The following MARCHF11 variants were observed in gnomAD, a reference collection of about 807,000 sequenced individuals.
MARCHF11 encodes membrane associated ring-CH-type finger 11.
MARCHF11 carries 29 observed loss-of-function variants against 37.3 expected under a neutral mutation model. The observed-to-expected ratio is 0.78, with a 90% CI of 0.58 to 1.06. The LOEUF (loss-of-function observed/expected upper bound fraction) is 1.06. MARCHF11 is among the 50% of genes least tolerant of loss of function. The pLI is 0.00. For synonymous variants in MARCHF11, 233 were observed against 228.0 expected, an observed-to-expected ratio of 1.02 and a Z score of -0.20; for missense variants, 482 against 533.4, an observed-to-expected ratio of 0.90 and a Z score of 0.95.
At chr5:16,146,992 C>T (rs1036827591) in intron 2 of MARCHF11, among the ~76,000 whole-genome samples, 3 of 152,142 alleles carry the variant, frequency 2.0e-5, no homozygotes, top group African/African-American at 7.2e-5. Context: ...ACATGCTCAA[C>T]TAACTGCATT....
At chr5:16,112,977 C>T (rs1330306375) in intron 2 of MARCHF11, among the ~76,000 whole-genome samples, 1 of 152,154 alleles carries the variant, frequency 6.6e-6, no homozygotes, top group East Asian at 1.9e-4. Flanking sequence ...CATTAAACCT[C>T]TTTTTCGTCG....
At chr5:16,085,958 A>AT (rs1736692165) in intron 3 of MARCHF11, among the ~76,000 whole-genome samples, 2 of 148,544 alleles carry the variant, frequency 1.3e-5, no homozygotes, top group Admixed American at 6.7e-5. Context: ...AAAAAAAAAA[A>AT]AAAAAAAAAA....
intron 2 of MARCHF11, among the ~76,000 whole-genome samples, chr5:16,172,195 A>G (rs1738281278): frequency 6.6e-6 from 1 of 152,210 alleles, no homozygotes; most frequent in Non-Finnish European, 1.5e-5. Flanking sequence ...GTAGTATACA[A>G]AGTAAAATTT....
At chr5:16,105,379 G>A (rs1737020288) in intron 2 of MARCHF11, among the ~76,000 whole-genome samples, 2 of 152,140 alleles carry the variant, frequency 1.3e-5, no homozygotes, top group Non-Finnish European at 2.9e-5. Context: ...ACAAACAAAT[G>A]CGTTTCTATG....
chr5:16,123,781 A>G (rs1181299321), intron 2 of MARCHF11, among the ~76,000 whole-genome samples: 1 of 152,190 alleles, frequency 6.6e-6, no homozygotes, highest in Admixed American at 6.5e-5. Flanking sequence ...TTGCAGAATG[A>G]AAGATGGATT....
At position 16,150,132 on chromosome 5, in the gene MARCHF11, T is replaced by C. The variant is rs754317555; in HGVS notation, c.693+27594A>G. ...CATGTATAAAAGATTTATCAAGTTA[T>C]ACAGTTTAGATTTATGCACTTTATT... On this transcript the variant is annotated intron_variant, in intron 2 of 3. Transcript: ENST00000332432. 2.0e-5 allele frequency among the ~76,000 whole-genome samples: 3 copies of C among 149,466 alleles called. 1 individual carries two copies. The highest frequency in any genetic ancestry group is 4.4e-5 in the Non-Finnish European group (3 of 67,990).
chr5:16,074,205 C>T (rs760137013), intron 3 of MARCHF11, among the ~76,000 whole-genome samples: 3 of 152,216 alleles, frequency 2.0e-5, no homozygotes, highest in African/African-American at 2.4e-5. Context: ...TTGAACTGAA[C>T]GATAATATTG....
intron 3 of MARCHF11, among the ~76,000 whole-genome samples, chr5:16,072,510 CTGTGTGTG>C (rs34699021): frequency 0.019 from 2,857 of 146,674 alleles, 76 homozygotes; most frequent in African/African-American, 0.067. Flanking sequence ...CTCTCTCACT[CTGTGTGTG>C]TGTGTGTGTG....
intron 2 of MARCHF11, among the ~76,000 whole-genome samples, chr5:16,148,074 T>C (rs889922546): frequency 2.0e-5 from 3 of 152,138 alleles, no homozygotes; most frequent in Admixed American, 2.0e-4. Flanking sequence ...TTCTGCCTCA[T>C]TTTTATATTA....
At chr5:16,124,550 C>G (rs915594358) in intron 2 of MARCHF11, among the ~76,000 whole-genome samples, 6 of 152,102 alleles carry the variant, frequency 3.9e-5, no homozygotes, top group Non-Finnish European at 7.4e-5. Context: ...AAGACAGAAC[C>G]ATCAGTCAGG....
intron 2 of MARCHF11, among the ~76,000 whole-genome samples, chr5:16,145,674 G>A (rs754806116): frequency 6.6e-6 from 1 of 152,004 alleles, no homozygotes; most frequent in Non-Finnish European, 1.5e-5. Flanking sequence ...AATAATGATA[G>A]AAGTGGATTC....
At chr5:16,080,660 T>A (rs141469420) in intron 3 of MARCHF11, among the ~76,000 whole-genome samples, 5 of 152,328 alleles carry the variant, frequency 3.3e-5, no homozygotes, top group Non-Finnish European at 5.9e-5. Context: ...GAGGGTCTCT[T>A]GCTCTTAGCG....
At position 16,179,319 on chromosome 5, in the gene MARCHF11, G is replaced by C. The variant is rs1279315517; in HGVS notation, c.257C>G (p.Pro86Arg). Reference protein sequence around the residue: ...CRGADELPPPPLPLQPAGQEV... With the variant: ...CRGADELPPPRLPLQPAGQEV... ...CTGGCCGGCGGGCTGCAGGGGCAGG[G>C]GCGGAGGCGGCAGCTCGTCCGCTCC... Residue 86 changes from proline to arginine, a missense_variant, in exon 1 of 4, where the codon CCC becomes CGC. Pro to Arg is a moderately radical substitution (Grantham distance 103). Coordinates refer to ENST00000332432, the MANE Select transcript of MARCHF11 (RefSeq NM_001102562.3). 2.4e-5 allele frequency: 30 copies of C among 1,238,444 alleles called. No homozygotes were observed. The highest frequency in any genetic ancestry group is 8.4e-5 in the South Asian group (3 of 35,780). 76.7% of individuals were successfully genotyped at this position (1,238,444 alleles called of 1,614,324 possible). A position where few individuals can be genotyped will look rare whatever the true frequency, so the allele number is the denominator to read the frequency against.
chr5:16,143,569 C>T (rs776047736), intron 2 of MARCHF11, among the ~76,000 whole-genome samples: 19 of 152,244 alleles, frequency 1.2e-4, no homozygotes, highest in African/African-American at 4.6e-4. Context: ...ACTGTTCAGC[C>T]GGAATGTGCC....
chr5:16,087,192 C>T (rs562771192), intron 3 of MARCHF11, among the ~76,000 whole-genome samples: 1 of 152,188 alleles, frequency 6.6e-6, no homozygotes, highest in African/African-American at 2.4e-5. Context: ...GTAATAAGTA[C>T]AGATTGAAAA....
At chr5:16,080,043 A>G (rs1736581629) in intron 3 of MARCHF11, among the ~76,000 whole-genome samples, 1 of 152,188 alleles carries the variant, frequency 6.6e-6, no homozygotes, top group South Asian at 2.1e-4. Context: ...GTAAACAAAC[A>G]AAAACCTTTC....
intron 2 of MARCHF11, among the ~76,000 whole-genome samples, chr5:16,109,370 A>G (rs936014448): frequency 2.6e-5 from 4 of 152,158 alleles, no homozygotes; most frequent in Non-Finnish European, 5.9e-5. Flanking sequence ...TCCGTCACCA[A>G]TGACCAATGA....
At chr5:16,125,018 ATT>A (rs2126579763) in intron 2 of MARCHF11, among the ~76,000 whole-genome samples, 1 of 151,596 alleles carries the variant, frequency 6.6e-6, no homozygotes, top group Non-Finnish European at 1.5e-5. Flanking sequence ...GCTTGGCCAC[ATT>A]CTTATTGTTT....
intron 2 of MARCHF11, among the ~76,000 whole-genome samples, chr5:16,128,986 C>T (rs557220875): frequency 2.2e-4 from 34 of 152,276 alleles, no homozygotes; most frequent in African/African-American, 7.9e-4. Flanking sequence ...TTTTATTTTG[C>T]ACATATGGCC....
Sources: gnomAD v4.1 joint callset for allele counts (sites outside exome capture counted in the v4.1 genomes callset) on GRCh38, gnomAD v4.1.1 for gene constraint, MANE v1.5 for transcripts, NCBI Gene and HGNC (gene_info 2026-07-23, HGNC 2026-07-21) for gene names.